The following ZBTB7C variants were observed in gnomAD, a reference collection of about 807,000 sequenced individuals.
ZBTB7C encodes the protein zinc finger and BTB domain containing 7C.
In ZBTB7C, 8 loss-of-function variants were observed where a neutral mutation model predicts 25.7. That is an observed-to-expected ratio of 0.31 (90% CI 0.18 to 0.56). The LOEUF is 0.56. Among genes scored for constraint, ZBTB7C ranks in the 20% least tolerant of loss-of-function variants. The pLI is 0.91. For synonymous variants in ZBTB7C, 394 were observed against 369.0 expected, an observed-to-expected ratio of 1.07 and a Z score of -0.78; for missense variants, 824 against 855.2, an observed-to-expected ratio of 0.96 and a Z score of 0.46.
chr18:48,277,727 A>C (rs1380685306), intron 2 of ZBTB7C, among the ~76,000 whole-genome samples: 1 of 152,214 alleles, frequency 6.6e-6, no homozygotes, highest in Non-Finnish European at 1.5e-5. Context: ...CCACAACAGA[A>C]ATCACAAAAC....
At chr18:48,115,152 T>C (rs1169008800) in intron 3 of ZBTB7C, among the ~76,000 whole-genome samples, 1 of 152,226 alleles carries the variant, frequency 6.6e-6, no homozygotes, top group African/African-American at 2.4e-5. Flanking sequence ...AGATATTTCA[T>C]ATAAATAGAA....
intron 3 of ZBTB7C, among the ~76,000 whole-genome samples, chr18:48,138,218 C>A (rs1344852024): frequency 6.6e-6 from 1 of 152,252 alleles, no homozygotes; most frequent in African/African-American, 2.4e-5. Context: ...AGAAGTAAAT[C>A]TCAAAGGTGC....
intron 2 of ZBTB7C, among the ~76,000 whole-genome samples, chr18:48,254,022 C>T (rs1187695468): frequency 6.6e-6 from 1 of 152,220 alleles, no homozygotes; most frequent in Non-Finnish European, 1.5e-5. Context: ...AAGTGAATCT[C>T]ATGAGAATAC....
chr18:48,155,889 G>A (rs78932075), intron 3 of ZBTB7C, among the ~76,000 whole-genome samples: 3,112 of 152,196 alleles, frequency 0.02, 112 homozygotes, highest in African/African-American at 0.071. Context: ...GACTCTAACC[G>A]GGTTGGAAAT....
intron 2 of ZBTB7C, among the ~76,000 whole-genome samples, chr18:48,336,081 C>G (rs980159365): frequency 1.3e-5 from 2 of 152,178 alleles, no homozygotes; most frequent in Non-Finnish European, 2.9e-5. Context: ...CTTTTCTCAA[C>G]ACTTCTCTAA....
chr18:48,153,085 C>T (rs1942830099), intron 3 of ZBTB7C, among the ~76,000 whole-genome samples: 1 of 152,220 alleles, frequency 6.6e-6, no homozygotes, highest in African/African-American at 2.4e-5. Context: ...TCAACCCCAT[C>T]TTTGTCTTCC....
chr18:48,220,625 C>G (rs1002623805), intron 2 of ZBTB7C, among the ~76,000 whole-genome samples: 1 of 152,146 alleles, frequency 6.6e-6, no homozygotes, highest in African/African-American at 2.4e-5. Context: ...AGGATTGAAA[C>G]AGATAAGCAG....
At chr18:48,270,253 CTTTTTTTTTTTT>C (rs760096959) in intron 2 of ZBTB7C, among the ~76,000 whole-genome samples, 4 of 98,754 alleles carry the variant, frequency 4.1e-5, no homozygotes, top group Admixed American at 2.2e-4. Flanking sequence ...TTCTCTCTTT[CTTTTTTTTTTTT>C]TTTTTTTTTT....
At chr18:48,069,305 C>A (rs1339211882) in intron 3 of ZBTB7C, among the ~76,000 whole-genome samples, 1 of 152,222 alleles carries the variant, frequency 6.6e-6, no homozygotes, top group Non-Finnish European at 1.5e-5. Context: ...ATCTCCTAGG[C>A]ATTCTCCAGG....
chr18:48,040,831 A>G lies in ZBTB7C; in HGVS notation c.277T>C (p.Tyr93His). 2.5e-6 allele frequency: 4 copies of G among 1,613,586 alleles called. No homozygotes were observed. Among genetic ancestry groups the G allele is most frequent in the Non-Finnish European group, 3.4e-6 (4 of 1,179,734 alleles). Residue 93 changes from tyrosine to histidine, a missense_variant, in exon 4 of 5, where the codon TAC becomes CAC. Coordinates refer to ENST00000590800, the MANE Select transcript of ZBTB7C (RefSeq NM_001318841.2). Reference protein sequence around the residue: ...EALAAILEFAYTSTLTITAGN... With the variant: ...EALAAILEFAHTSTLTITAGN... ...GCGGTGATGGTGAGCGTGGAGGTGT[A>G]GGCGAACTCCAGGATAGCAGCCAGA... is the stretch of plus-strand genomic sequence containing the variant.
chr18:48,034,636 A>G (rs1481271379), intron 4 of ZBTB7C, among the ~76,000 whole-genome samples: 1 of 152,140 alleles, frequency 6.6e-6, no homozygotes, highest in African/African-American at 2.4e-5. Context: ...GAATGTAGAT[A>G]GAGAGGAGGC....
At chr18:48,305,054 G>C (rs1299075676) in intron 2 of ZBTB7C, among the ~76,000 whole-genome samples, 1 of 152,080 alleles carries the variant, frequency 6.6e-6, no homozygotes, top group Non-Finnish European at 1.5e-5. Context: ...TTGCAAGAGA[G>C]GACAGCGCCC....
chr18:48,230,347 T>C (rs997376647), intron 2 of ZBTB7C, among the ~76,000 whole-genome samples: 1 of 152,050 alleles, frequency 6.6e-6, no homozygotes, highest in Non-Finnish European at 1.5e-5. Context: ...GGGAAGCTGG[T>C]TGGGAGCTGG....
At chr18:48,280,848 CTTTTTTTTT>C (rs55760047) in intron 2 of ZBTB7C, among the ~76,000 whole-genome samples, 1 of 79,892 alleles carries the variant, frequency 1.3e-5, no homozygotes, top group African/African-American at 4.8e-5. Flanking sequence ...TTTTCTCTCT[CTTTTTTTTT>C]TTTTTTTTTT....
intron 1 of ZBTB7C, among the ~76,000 whole-genome samples, chr18:48,385,614 C>T (rs770958341): frequency 2.6e-5 from 4 of 152,226 alleles, no homozygotes; most frequent in Admixed American, 6.5e-5. Flanking sequence ...CCGCCCGGAA[C>T]GCATGCACCA....
chr18:48,069,867 A>G (rs551922000), intron 3 of ZBTB7C, among the ~76,000 whole-genome samples: 2 of 152,304 alleles, frequency 1.3e-5, no homozygotes, highest in South Asian at 2.1e-4. Context: ...TTAGGGATCA[A>G]AATGGTAAGG....
chr18:48,135,352 G>A (rs1028983734), intron 3 of ZBTB7C, among the ~76,000 whole-genome samples: 4 of 152,108 alleles, frequency 2.6e-5, no homozygotes, highest in Non-Finnish European at 5.9e-5. Context: ...ATACCAAGGC[G>A]ATTCCTGTCT....
intron 3 of ZBTB7C, among the ~76,000 whole-genome samples, chr18:48,076,379 A>G (rs1451462089): frequency 6.6e-6 from 1 of 152,220 alleles, no homozygotes; most frequent in Non-Finnish European, 1.5e-5. Context: ...AAGGACCTAG[A>G]AAAGAAAAAT....
intron 3 of ZBTB7C, among the ~76,000 whole-genome samples, chr18:48,119,655 C>T (rs1051540070): frequency 1.3e-5 from 2 of 152,222 alleles, no homozygotes; most frequent in African/African-American, 4.8e-5. Context: ...CCTGGCCCAA[C>T]CAGGAACTCC....
Sources: allele counts gnomAD v4.1 joint callset (sites outside exome capture counted in the v4.1 genomes callset), GRCh38; gene constraint gnomAD v4.1.1; transcripts MANE v1.5; gene names NCBI Gene and HGNC (gene_info 2026-07-23, HGNC 2026-07-21).